FBN2: variants seen among roughly 807,000 people sequenced by gnomAD.
The protein encoded by FBN2 is fibrillin-2.
FBN2 carries 105 observed loss-of-function variants against 355.6 expected under a neutral mutation model. The ratio of observed to expected loss-of-function variants is 0.30; its 90% confidence interval spans 0.25 to 0.35. The LOEUF (loss-of-function observed/expected upper bound fraction) is 0.35. FBN2 is among the 10% of genes least tolerant of loss of function. FBN2 has a pLI of 1.00. For synonymous variants in FBN2, 1,350 were observed against 1,301.2 expected (o/e 1.04, Z -0.81); for missense variants, 3,280 against 3,758.7 (o/e 0.87, Z 3.33).
chr5:128,393,856 T>A (rs1490869144), intron 9 of FBN2, among the ~76,000 whole-genome samples: 1 of 152,204 alleles, frequency 6.6e-6, no homozygotes, highest in African/African-American at 2.4e-5. Context: ...ATTTTAACGG[T>A]AGACAATATC....
At chr5:128,475,782 T>A (rs1357203191) in intron 5 of FBN2, among the ~76,000 whole-genome samples, 3 of 152,180 alleles carry the variant, frequency 2.0e-5, no homozygotes, top group Non-Finnish European at 4.4e-5. Context: ...GGAGATTAAA[T>A]AGGCTAGCAT....
At chr5:128,345,332 C>T (rs749237550) in intron 24 of FBN2, 25 bp downstream of exon 24, 46 of 1,583,808 alleles carry the variant, frequency 2.9e-5, no homozygotes, top group Non-Finnish European at 3.8e-5. Flanking sequence ...GAAGAAGGAC[C>T]AAGGCGCTGG....
intron 7 of FBN2, among the ~76,000 whole-genome samples, chr5:128,430,816 C>T (rs1317252978): frequency 6.6e-6 from 1 of 151,930 alleles, no homozygotes; most frequent in African/African-American, 2.4e-5. Context: ...CACCACTGCA[C>T]TCCAGTCTGG....
At chr5:128,340,009 A>G (rs1030351954) in intron 25 of FBN2, among the ~76,000 whole-genome samples, 2 of 152,148 alleles carry the variant, frequency 1.3e-5, no homozygotes, top group African/African-American at 4.8e-5. Context: ...TCCTCTTTTT[A>G]TATATTACAG....
chr5:128,284,587 G>A (rs1581187307), intron 55 of FBN2, among the ~76,000 whole-genome samples: 1 of 152,168 alleles, frequency 6.6e-6, no homozygotes, highest in Non-Finnish European at 1.5e-5. Context: ...TGGGCCTAAT[G>A]TGTAGTTTCA....
chr5:128,483,224 T>C (rs187732242), intron 5 of FBN2, among the ~76,000 whole-genome samples: 5 of 152,254 alleles, frequency 3.3e-5, no homozygotes, highest in Admixed American at 6.5e-5. Flanking sequence ...AGTACCTGGA[T>C]GACAGGATCA....
chr5:128,335,079 G>GA, intron 30 of FBN2, 91 bp downstream of exon 30: 9 of 1,562,070 alleles, frequency 5.8e-6, no homozygotes, highest in Non-Finnish European at 7.9e-6. Context: ...AATAACAACA[G>GA]AAAAAGCCTT....
intron 27 of FBN2, among the ~76,000 whole-genome samples, chr5:128,336,397 A>G (rs1333382696): frequency 6.6e-6 from 1 of 152,218 alleles, no homozygotes; most frequent in Non-Finnish European, 1.5e-5. Context: ...CAGTATAACT[A>G]AGGAATATTT....
At chr5:128,342,669 C>T (rs1486648644) in intron 25 of FBN2, among the ~76,000 whole-genome samples, 1 of 151,964 alleles carries the variant, frequency 6.6e-6, no homozygotes. Context: ...AACCCCAAAT[C>T]CAGGTAGAGC....
chr5:128,364,706 C>T lies in FBN2; in HGVS notation c.2322G>A (p.Leu774=). The T allele has an allele frequency of 6.2e-7, 1 of 1,612,714 alleles. No individual in the cohort carries two copies. The highest frequency in any genetic ancestry group is 8.5e-7 in the Non-Finnish European group (1 of 1,178,898). The stretch of plus-strand genomic sequence containing the variant: ...TCCCATTGGCACATATATCAGGATC[C>T]AAAGCACATTCATTGATATCTGCAT... ...VDGRDINECA[L]DPDICANGIC... Residue 774 remains leucine (L), a synonymous_variant, in exon 18 of 65, where the codon TTG becomes TTA. Coordinates refer to ENST00000262464, the MANE Select transcript of FBN2 (RefSeq NM_001999.4).
intron 11 of FBN2, among the ~76,000 whole-genome samples, chr5:128,390,638 G>A (rs1348598126): frequency 3.9e-5 from 6 of 152,194 alleles, no homozygotes; most frequent in Admixed American, 3.9e-4. Context: ...AGCACCACGA[G>A]TGCCTGTCTC....
chr5:128,497,175 C>T (rs989438538), intron 5 of FBN2, among the ~76,000 whole-genome samples: 2 of 152,046 alleles, frequency 1.3e-5, no homozygotes, highest in Non-Finnish European at 2.9e-5. Flanking sequence ...GAAATAGGTT[C>T]CTTGTTTTGA....
intron 7 of FBN2, among the ~76,000 whole-genome samples, chr5:128,445,841 T>G (rs1425907885): frequency 6.6e-6 from 1 of 152,194 alleles, no homozygotes; most frequent in Non-Finnish European, 1.5e-5. Context: ...CAGATATATA[T>G]AACAAATAAA....
intron 64 of FBN2, 120 bp downstream of exon 64, chr5:128,261,616 T>C: frequency 3.5e-6 from 3 of 858,812 alleles, no homozygotes; most frequent in Non-Finnish European, 6.0e-6. Flanking sequence ...GTCCATTAAT[T>C]TATCCATTAA....
At chr5:128,360,618 A>G (rs1199550436) in intron 19 of FBN2, among the ~76,000 whole-genome samples, 3 of 152,066 alleles carry the variant, frequency 2.0e-5, no homozygotes, top group Non-Finnish European at 4.4e-5. Flanking sequence ...ATTCAATTCA[A>G]AGTTAGCACT....
intron 6 of FBN2, among the ~76,000 whole-genome samples, chr5:128,457,891 G>C (rs1214979559): frequency 6.7e-6 from 1 of 149,644 alleles, no homozygotes; most frequent in African/African-American, 2.4e-5. Context: ...ACACTATGAA[G>C]AAACTGCATG....
chr5:128,313,099 G>A (rs1285028051), intron 36 of FBN2, among the ~76,000 whole-genome samples: 2 of 152,070 alleles, frequency 1.3e-5, no homozygotes, highest in Non-Finnish European at 2.9e-5. Context: ...CCAATAATAG[G>A]AATACAATAC....
Position 128,277,976 on chromosome 5 carries a change from G to C in FBN2, c.7375C>G (p.Leu2459Val), listed in dbSNP as rs753596079. The change falls in exon 58 of 65, where the codon CTC (leucine) becomes GTC (valine). Residue 2459 changes from leucine to valine, a missense_variant. This residue lies in a region of FBN2 where 2,284 missense variants were observed against 2,749.5 expected (regional missense o/e 0.83). Coordinates refer to ENST00000262464, the MANE Select transcript of FBN2 (RefSeq NM_001999.4). ...TTGATGCACTGACCATTGGTGCAGA[G>C]GTTTGGCATTACCTTACATTCATCA... ...DIDECKVMPN[L>V]CTNGQCINTM... The C allele has an allele frequency of 3.1e-6, 5 of 1,613,850 alleles. No homozygotes were observed. The South Asian group carries it at 3.3e-5, about 11-fold the overall frequency.
Position 128,305,097 on chromosome 5 carries a change from A to G in FBN2, c.5675-15T>C. The G allele has an allele frequency of 6.4e-7, 1 of 1,573,110 alleles. No homozygotes were observed. Among genetic ancestry groups the G allele is most frequent in the Non-Finnish European group, 8.7e-7 (1 of 1,148,160 alleles). On this transcript the variant is annotated splice_polypyrimidine_tract_variant and intron_variant, in intron 44 of 64. Transcript: ENST00000262464. Reference sequence around the variant, plus strand: ...TTCATTGCGATCTAAAACAGAAAAAAATAAATGTTACATGTATCTGATTTT... The same window carrying G: ...TTCATTGCGATCTAAAACAGAAAAAGATAAATGTTACATGTATCTGATTTT...
Sources: allele counts gnomAD v4.1 joint callset (sites outside exome capture counted in the v4.1 genomes callset), GRCh38; gene constraint gnomAD v4.1.1; regional missense constraint gnomAD v4.1.1; transcripts MANE v1.5; gene names NCBI Gene and HGNC (gene_info 2026-07-23, HGNC 2026-07-21).